UBXN2A: variants seen among roughly 807,000 people sequenced by gnomAD.
The protein encoded by UBXN2A is UBX domain protein 2A.
UBXN2A carries 28 observed loss-of-function variants against 28.4 expected under a neutral mutation model. That is an observed-to-expected ratio of 0.99 (90% CI 0.73 to 1.35). The LOEUF is 1.35. Among genes scored for constraint, UBXN2A ranks in the 40% most tolerant of loss-of-function variants. The pLI is 0.00. For synonymous variants in UBXN2A, 97 were observed against 103.6 expected, an observed-to-expected ratio of 0.94 and a Z score of 0.39; for missense variants, 253 against 297.9, an observed-to-expected ratio of 0.85 and a Z score of 1.11.
intron 3 of UBXN2A, among the ~76,000 whole-genome samples, chr2:23,972,545 C>T (rs1479084724): frequency 3.9e-5 from 6 of 152,014 alleles, no homozygotes; most frequent in Non-Finnish European, 7.4e-5. Context: ...GTTTCTTGAC[C>T]GGGCGCGGTG....
intron 3 of UBXN2A, 95 bp from the exon 4 acceptor site, chr2:23,976,874 C>A (rs1707685989): frequency 9.9e-7 from 1 of 1,008,734 alleles, no homozygotes; most frequent in Non-Finnish European, 1.5e-6. Context: ...AACCACCCCA[C>A]CCGGCCTGAA....
intron 6 of UBXN2A, chr2:23,996,950 C>T (rs1267161526): frequency 3.9e-5 from 6 of 152,044 alleles, no homozygotes; most frequent in Non-Finnish European, 7.3e-5. Flanking sequence ...TGGAGTTCAC[C>T]ATATTGATTC....
chr2:24,003,003 A>G lies in UBXN2A; in HGVS notation c.*3136A>G, dbSNP rs1708749147. 6.6e-6 allele frequency: 1 copy of G among 152,308 alleles called. No individual in the cohort carries two copies. The highest frequency in any genetic ancestry group is 3.4e-3 in the Middle Eastern group (1 of 294). The allele number at this position is 152,308 out of a possible 1,614,324, so 9.4% of individuals were successfully genotyped here. A position where few individuals can be genotyped will look rare whatever the true frequency, so the allele number is the denominator to read the frequency against. ...TCAGGCACACTTTGAGAACCAATCTATATAAAGTGATGGTTCACAATGATT... is the reference window on the plus strand; with the variant it reads ...TCAGGCACACTTTGAGAACCAATCTGTATAAAGTGATGGTTCACAATGATT... On this transcript the variant is annotated 3_prime_UTR_variant, in exon 7 of 7. Transcript: ENST00000309033.
At chr2:23,964,553 A>G (rs1425550266) in intron 2 of UBXN2A, among the ~76,000 whole-genome samples, 2 of 152,200 alleles carry the variant, frequency 1.3e-5, no homozygotes, top group African/African-American at 2.4e-5. Context: ...ATGCAACAAC[A>G]TAGATGAACC....
chr2:23,965,744 T>C (rs1707134505), intron 2 of UBXN2A, among the ~76,000 whole-genome samples: 1 of 152,224 alleles, frequency 6.6e-6, no homozygotes, highest in Admixed American at 6.5e-5. Flanking sequence ...TTAGAAGTAT[T>C]CCCTCTGCTT....
chr2:23,982,204 C>CAA (rs145235779), intron 4 of UBXN2A, among the ~76,000 whole-genome samples: 37 of 141,532 alleles, frequency 2.6e-4, no homozygotes, highest in Non-Finnish European at 4.5e-4. Context: ...CTAAAAATAC[C>CAA]AAAAAAAAAA....
At chr2:23,944,294 G>A (rs1229031813) in intron 1 of UBXN2A, 4 of 1,604,990 alleles carry the variant, frequency 2.5e-6, no homozygotes, top group East Asian at 2.2e-5. Flanking sequence ...AGCTATACCA[G>A]TCTGGAGTGG....
intron 3 of UBXN2A, among the ~76,000 whole-genome samples, chr2:23,973,744 T>C (rs1707524653): frequency 6.6e-6 from 1 of 151,840 alleles, no homozygotes; most frequent in Non-Finnish European, 1.5e-5. Context: ...GCCATTCTCC[T>C]GCCTCAGCCT....
chr2:23,991,691 C>G lies in UBXN2A; in HGVS notation c.584+6860C>G, dbSNP rs1016147085. ...TTTGCCATGTTGGCCAGTCTGGTCT[C>G]GAACTGCTGATCTCAGGTGGTCCGC... On this transcript the variant is annotated intron_variant, in intron 6 of 6. Coordinates refer to ENST00000309033, the MANE Select transcript of UBXN2A (RefSeq NM_181713.4). Among the ~76,000 whole-genome samples the G allele has an allele frequency of 2.0e-5, 3 of 152,102 alleles. 1 individual carries two copies. The East Asian group carries it at 5.8e-4, about 29-fold the overall frequency.
intron 4 of UBXN2A, among the ~76,000 whole-genome samples, chr2:23,978,502 G>T (rs555512719): frequency 3.3e-5 from 5 of 152,000 alleles, no homozygotes; most frequent in Admixed American, 2.6e-4. Flanking sequence ...AAATTAGCCA[G>T]GTGTGGTGGC....
chr2:23,958,430 T>A lies in UBXN2A; in HGVS notation c.41+75T>A. The A allele has an allele frequency of 2.1e-6, 3 of 1,411,036 alleles. No individual in the cohort carries two copies. In the South Asian group the frequency reaches 4.1e-5, roughly 19 times the overall value. The allele number at this position is 1,411,036 out of a possible 1,614,324, so 87.4% of individuals were successfully genotyped here. A position where few individuals can be genotyped will look rare whatever the true frequency, so the allele number is the denominator to read the frequency against. ...TCCTGTATTTTTATTACATTTCACT[T>A]GCAGAGATAGTAGAGTACGTTTTAA... On this transcript the variant is annotated intron_variant, in intron 2 of 6. Coordinates refer to ENST00000309033, the MANE Select transcript of UBXN2A (RefSeq NM_181713.4).
At chr2:23,979,522 A>T (rs1415600805) in intron 4 of UBXN2A, among the ~76,000 whole-genome samples, 1 of 152,122 alleles carries the variant, frequency 6.6e-6, no homozygotes, top group Non-Finnish European at 1.5e-5. Flanking sequence ...AATATATCTG[A>T]GTATTATTTT....
chr2:23,936,108 T>A (rs899848698), upstream of UBXN2A, among the ~76,000 whole-genome samples: 4 of 151,978 alleles, frequency 2.6e-5, no homozygotes, highest in Non-Finnish European at 2.9e-5. Context: ...ACAAAAATTT[T>A]AAAAAATTGA....
chr2:23,942,359 G>T (rs1705804718), intron 1 of UBXN2A, among the ~76,000 whole-genome samples: 1 of 150,650 alleles, frequency 6.6e-6, no homozygotes, highest in Non-Finnish European at 1.5e-5. Context: ...AGCAGTTGTT[G>T]TGTGGAAAGC....
intron 1 of UBXN2A, among the ~76,000 whole-genome samples, chr2:23,954,346 G>A (rs1001705351): frequency 6.6e-6 from 1 of 152,156 alleles, no homozygotes. Flanking sequence ...GTATGTATCA[G>A]AATTTCACTC....
At chr2:23,942,171 A>G (rs931079696) in intron 1 of UBXN2A, among the ~76,000 whole-genome samples, 1 of 152,228 alleles carries the variant, frequency 6.6e-6, no homozygotes, top group Non-Finnish European at 1.5e-5. Flanking sequence ...TTGTGAGAGA[A>G]GGTAACAGGG....
At chr2:23,974,497 C>T (rs1707569252) in intron 3 of UBXN2A, among the ~76,000 whole-genome samples, 1 of 151,734 alleles carries the variant, frequency 6.6e-6, no homozygotes, top group Non-Finnish European at 1.5e-5. Flanking sequence ...AGGCACCCGC[C>T]ACCACGCCTG....
chr2:23,965,068 A>G (rs1707106787), intron 2 of UBXN2A, among the ~76,000 whole-genome samples: 1 of 152,018 alleles, frequency 6.6e-6, no homozygotes, highest in Non-Finnish European at 1.5e-5. Flanking sequence ...TTTTATAGAG[A>G]TGGGGTCTCC....
intron 1 of UBXN2A, among the ~76,000 whole-genome samples, chr2:23,947,389 T>C (rs1212055998): frequency 6.6e-6 from 1 of 152,210 alleles, no homozygotes; most frequent in Non-Finnish European, 1.5e-5. Flanking sequence ...ATGGTGATAG[T>C]TGGAAGTAGA....
Sources: allele counts gnomAD v4.1 joint callset (sites outside exome capture counted in the v4.1 genomes callset), GRCh38; gene constraint gnomAD v4.1.1; transcripts MANE v1.5; gene names NCBI Gene and HGNC (gene_info 2026-07-23, HGNC 2026-07-21).